Variants in GOLIM4 observed in about 807,000 individuals in gnomAD.
The protein encoded by GOLIM4 is golgi integral membrane protein 4.
GOLIM4 carries 71 observed loss-of-function variants against 107.4 expected under a neutral mutation model. That is an observed-to-expected ratio of 0.66 (90% CI 0.55 to 0.81). GOLIM4 has a LOEUF of 0.81. Ranked by LOEUF, GOLIM4 falls within the 30% of genes least tolerant of loss-of-function variation. GOLIM4 has a pLI of 0.00. For missense variants in GOLIM4, 830 were observed against 826.1 expected (o/e 1.00, Z -0.06); for synonymous variants, 327 against 294.8 (o/e 1.11, Z -1.12).
At chr3:168,020,769 T>C (rs577761755) in intron 14 of GOLIM4, among the ~76,000 whole-genome samples, 10 of 152,230 alleles carry the variant, frequency 6.6e-5, no homozygotes, top group Non-Finnish European at 1.3e-4. Flanking sequence ...TCTAGTAATA[T>C]ATTACTGATA....
chr3:168,035,077 G>C (rs373865780), intron 8 of GOLIM4, among the ~76,000 whole-genome samples: 1 of 147,678 alleles, frequency 6.8e-6, no homozygotes, highest in African/African-American at 2.5e-5. Context: ...CTGATCATTA[G>C]AGAAATGCAA....
At chr3:168,019,654 C>A (rs1717574706) in intron 14 of GOLIM4, among the ~76,000 whole-genome samples, 1 of 152,194 alleles carries the variant, frequency 6.6e-6, no homozygotes, top group Non-Finnish European at 1.5e-5. Flanking sequence ...TAACTCATTT[C>A]TCTAGTCTCA....
At chr3:168,073,807 T>C (rs1200572737) in intron 1 of GOLIM4, among the ~76,000 whole-genome samples, 4 of 152,164 alleles carry the variant, frequency 2.6e-5, no homozygotes, top group African/African-American at 7.2e-5. Flanking sequence ...ATCGGCTTCT[T>C]AAAAGCAGCT....
chr3:168,010,473 A>C, intron 15 of GOLIM4, 55 bp from the exon 16 acceptor site: 1 of 1,189,594 alleles, frequency 8.4e-7, no homozygotes, highest in Non-Finnish European at 1.2e-6. Context: ...TTAGTGATAA[A>C]TAATTCTCTC....
intron 1 of GOLIM4, among the ~76,000 whole-genome samples, chr3:168,092,865 AT>A (rs1365434362): frequency 2.6e-5 from 4 of 152,250 alleles, no homozygotes; most frequent in Non-Finnish European, 5.9e-5. Context: ...AAACAAAAAA[AT>A]ACTTTAGCCT....
chr3:168,087,338 C>T (rs945350852), intron 1 of GOLIM4, among the ~76,000 whole-genome samples: 4 of 152,084 alleles, frequency 2.6e-5, no homozygotes, highest in Non-Finnish European at 5.9e-5. Context: ...GGCTGCCTAA[C>T]GTCTATTCTC....
intron 4 of GOLIM4, 60 bp downstream of exon 4, chr3:168,044,768 C>A: frequency 2.2e-6 from 2 of 904,016 alleles, no homozygotes; most frequent in South Asian, 3.1e-5. Context: ...GGCCATTAGT[C>A]AGTTCAAGTA....
In GOLIM4 at chr3:168,029,250, C is replaced by T; in HGVS notation, c.1486G>A (p.Asp496Asn). 6.2e-7 allele frequency: 1 copy of T among 1,610,266 alleles called. No homozygotes were observed. Among genetic ancestry groups the T allele is most frequent in the Non-Finnish European group, 8.5e-7 (1 of 1,177,086 alleles). ...CCTTCCTCTCCTTGGATTCCCTGGT[C>T]CTCTGCTCCCTGAACGATATCATTA... ...MDNDIVQGAE[D>N]QGIQGEEGAY... is the part of the protein sequence containing the mutation. The change falls in exon 11 of 16, where the codon GAC (aspartate) becomes AAC (asparagine). Residue 496 changes from aspartate (D) to asparagine (N), a missense_variant. Transcript: ENST00000470487.
At chr3:168,076,856 A>C (rs1052876994) in intron 1 of GOLIM4, among the ~76,000 whole-genome samples, 4 of 152,214 alleles carry the variant, frequency 2.6e-5, no homozygotes, top group Non-Finnish European at 5.9e-5. Context: ...TTAACAGACT[A>C]CTTTATTTAC....
intron 1 of GOLIM4, among the ~76,000 whole-genome samples, chr3:168,059,218 A>G (rs1384280179): frequency 6.6e-6 from 1 of 152,204 alleles, no homozygotes; most frequent in Admixed American, 6.5e-5. Flanking sequence ...TGCTAGCAAA[A>G]AGGAAACAAC....
chr3:168,076,308 A>G (rs1269145806), intron 1 of GOLIM4, among the ~76,000 whole-genome samples: 1 of 152,232 alleles, frequency 6.6e-6, no homozygotes, highest in Non-Finnish European at 1.5e-5. Flanking sequence ...AAAATGCTCA[A>G]GCCTATCTGT....
rs555126608 is a variant in GOLIM4 at position 168,022,564 on chromosome 3, T to C, written c.1860+1962A>G. On this transcript the variant is annotated intron_variant, in intron 14 of 15. Transcript: ENST00000470487. ...ATTTGGGAACCACTCTTCTCCTCTC[T>C]CAAGGGAAGACCTGGGAACGATGGA... is the stretch of plus-strand genomic sequence containing the variant. 2.6e-5 allele frequency among the ~76,000 whole-genome samples: 4 copies of C among 152,274 alleles called. No homozygotes were observed. The South Asian group carries it at 8.3e-4, about 32-fold the overall frequency.
At position 168,043,359 on chromosome 3, in the gene GOLIM4, C is replaced by G. The variant is rs765760384; in HGVS notation, c.517+20G>C. ...CAGTACTTATTTAGAGATAAACTGGCTAATCAGATTTCCAAATACCTTTTA... is the reference window on the plus strand; with the variant it reads ...CAGTACTTATTTAGAGATAAACTGGGTAATCAGATTTCCAAATACCTTTTA... On this transcript the variant is annotated intron_variant, in intron 5 of 15. Coordinates refer to ENST00000470487, the MANE Select transcript of GOLIM4 (RefSeq NM_014498.5). 13 of 1,563,616 alleles carry G rather than the reference C, an allele frequency of 8.3e-6. No individual in the cohort carries two copies. The highest frequency in any genetic ancestry group is 1.4e-5 in the African/African-American group (1 of 73,172).
At chr3:168,024,341 C>T (rs77530757) in intron 14 of GOLIM4, among the ~76,000 whole-genome samples, 185 bp downstream of exon 14, 1 of 152,228 alleles carries the variant, frequency 6.6e-6, no homozygotes, top group Non-Finnish European at 1.5e-5. Flanking sequence ...CTTTTGTTAT[C>T]TTCTAACCAA....
intron 5 of GOLIM4, among the ~76,000 whole-genome samples, 200 bp downstream of exon 5, chr3:168,043,179 G>A (rs1163350546): frequency 1.3e-5 from 2 of 152,038 alleles, no homozygotes; most frequent in African/African-American, 4.8e-5. Flanking sequence ...CAGAACACAC[G>A]ACATATTCTA....
At chr3:168,033,799 A>G (rs547951226) in intron 8 of GOLIM4, among the ~76,000 whole-genome samples, 18 of 152,252 alleles carry the variant, frequency 1.2e-4, no homozygotes, top group African/African-American at 4.3e-4. Flanking sequence ...AACCCTGAGC[A>G]GAAAAAGAAG....
intron 1 of GOLIM4, among the ~76,000 whole-genome samples, chr3:168,064,565 G>A (rs1720443103): frequency 1.3e-5 from 2 of 151,684 alleles, no homozygotes; most frequent in African/African-American, 4.8e-5. Context: ...ATGAAAATCA[G>A]AGAATACATC....
chr3:168,026,876 T>C lies in GOLIM4; in HGVS notation c.1623+852A>G, dbSNP rs190772972. On this transcript the variant is annotated intron_variant, in intron 12 of 15. Transcript: ENST00000470487. ...AAAGGGCTTTAAGTAGCTAGCAGGA[T>C]GACTTTCTTGATGATTAGCAAGGAC... is the stretch of plus-strand genomic sequence containing the variant. 4.3e-3 allele frequency among the ~76,000 whole-genome samples: 651 copies of C among 152,358 alleles called. 4 individuals are homozygous for C. The highest frequency in any genetic ancestry group is 0.015 in the African/African-American group (620 of 41,582).
chr3:168,032,485 C>T (rs1363695800), intron 9 of GOLIM4, 35 bp downstream of exon 9: 10 of 1,493,594 alleles, frequency 6.7e-6, no homozygotes, highest in Non-Finnish European at 8.4e-6. Flanking sequence ...GTTTTCCATC[C>T]CAGTACACCA....
Sources: allele counts gnomAD v4.1 joint callset (sites outside exome capture counted in the v4.1 genomes callset), GRCh38; gene constraint gnomAD v4.1.1; transcripts MANE v1.5; gene names NCBI Gene and HGNC (gene_info 2026-07-23, HGNC 2026-07-21).